The following BCAR3 variants were observed in gnomAD, a reference collection of about 807,000 sequenced individuals.
BCAR3 encodes breast cancer anti-estrogen resistance protein 3.
A neutral mutation model predicts 80.1 loss-of-function variants in BCAR3; 37 were observed. The ratio of observed to expected loss-of-function variants is 0.46; its 90% CI spans 0.36 to 0.61. BCAR3 has a LOEUF of 0.61. BCAR3 is among the 20% of genes least tolerant of loss of function. BCAR3 has a pLI of 0.00. For missense variants in BCAR3, 978 were observed against 1,068.2 expected, an observed-to-expected ratio of 0.92 and a Z score of 1.18; for synonymous variants, 389 against 418.9, an observed-to-expected ratio of 0.93 and a Z score of 0.87.
chr1:93,758,572 C>T (rs1423970257), intron 2 of BCAR3, among the ~76,000 whole-genome samples: 1 of 152,232 alleles, frequency 6.6e-6, no homozygotes, highest in Non-Finnish European at 1.5e-5. Flanking sequence ...AAGGTGATTA[C>T]AACCTTACTC....
chr1:93,673,661 C>T (rs1648326712), intron 2 of BCAR3, among the ~76,000 whole-genome samples: 1 of 152,236 alleles, frequency 6.6e-6, no homozygotes, highest in South Asian at 2.1e-4. Flanking sequence ...CAGCCAGGCC[C>T]ATTACAAACC....
At position 93,681,623 on chromosome 1, in the gene BCAR3, G is replaced by C. The variant is rs1648769555; in HGVS notation, c.-37C>G. The C allele has an allele frequency of 6.6e-6, 1 of 151,738 alleles. No homozygotes were observed. The highest frequency in any genetic ancestry group is 6.6e-5 in the Admixed American group (1 of 15,256). 9.4% of individuals were successfully genotyped at this position (151,738 alleles called of 1,614,324 possible). On this transcript the variant is annotated 5_prime_UTR_variant, in exon 1 of 12. Coordinates refer to ENST00000260502, the MANE Select transcript of BCAR3 (RefSeq NM_003567.4). ...CTCCCGGCGCGGCGCTGGGCGCTCGGGCTCTCAGGATCTCTGGACCTCCGG... is the reference window on the plus strand; with the variant it reads ...CTCCCGGCGCGGCGCTGGGCGCTCGCGCTCTCAGGATCTCTGGACCTCCGG...
At chr1:93,844,665 CCACCACA>C (rs1375091902) in intron 2 of BCAR3, among the ~76,000 whole-genome samples, 1 of 152,072 alleles carries the variant, frequency 6.6e-6, no homozygotes, top group Non-Finnish European at 1.5e-5. Context: ...GTTCAGAGAA[CCACCACA>C]CACCTGACCT....
chr1:93,720,958 T>A (rs1421021819), intron 2 of BCAR3, among the ~76,000 whole-genome samples: 1 of 151,842 alleles, frequency 6.6e-6, no homozygotes, highest in Non-Finnish European at 1.5e-5. Flanking sequence ...GGGTTGGGAG[T>A]GCATCAGGGT....
intron 2 of BCAR3, among the ~76,000 whole-genome samples, chr1:93,830,039 T>G (rs1654504743): frequency 6.6e-6 from 1 of 152,220 alleles, no homozygotes; most frequent in South Asian, 2.1e-4. Flanking sequence ...GTGAAGTGCT[T>G]GCTCCCTCTT....
chr1:93,773,372 G>A (rs1557683628), intron 2 of BCAR3, among the ~76,000 whole-genome samples: 2 of 152,198 alleles, frequency 1.3e-5, no homozygotes, highest in South Asian at 4.2e-4. Flanking sequence ...CTTCTCTATG[G>A]AGCTGAACTA....
Position 93,582,460 on chromosome 1 carries a change from C to T in BCAR3, c.1527G>A (p.Leu509=). The T allele has an allele frequency of 6.2e-7, 1 of 1,614,186 alleles. No individual in the cohort carries two copies. Among genetic ancestry groups the T allele is most frequent in the Non-Finnish European group, 8.5e-7 (1 of 1,180,024 alleles). Residue 509 remains leucine (L), a synonymous_variant, in exon 7 of 12, where the codon CTG becomes CTA. Transcript: ENST00000260502. ...TGGGCCTGAAGGAGGAGACAGTCTC[C>T]AGGAGGGGCGTCACAAACTCGCCCT... ...WDKGEFVTPL[L]ETVSSFRPNE... is the part of the protein sequence containing the mutation.
intron 2 of BCAR3, among the ~76,000 whole-genome samples, chr1:93,661,047 C>CT (rs922281894): frequency 1.6e-4 from 24 of 147,202 alleles, no homozygotes; most frequent in Non-Finnish European, 2.3e-4. Context: ...TGGCTAATTT[C>CT]TTTTTTTTTG....
chr1:93,729,009 A>G (rs1327293019), intron 2 of BCAR3, among the ~76,000 whole-genome samples: 3 of 152,118 alleles, frequency 2.0e-5, no homozygotes, highest in South Asian at 2.1e-4. Flanking sequence ...ATTTAAAAGG[A>G]CCATGCTCTT....
intron 3 of BCAR3, among the ~76,000 whole-genome samples, chr1:93,702,090 C>T (rs1891139): frequency 0.68 from 102,852 of 152,032 alleles, 39,236 homozygotes; most frequent in East Asian, 0.98. Flanking sequence ...CACCCACTGG[C>T]GCTGTGGCAA....
At chr1:93,653,131 G>A (rs978692696) in intron 2 of BCAR3, among the ~76,000 whole-genome samples, 1 of 152,220 alleles carries the variant, frequency 6.6e-6, no homozygotes, top group African/African-American at 2.4e-5. Context: ...GGGAAGGAAG[G>A]TTACTTGTCA....
intron 2 of BCAR3, among the ~76,000 whole-genome samples, chr1:93,805,943 T>G (rs2100795941): frequency 6.6e-6 from 1 of 152,172 alleles, no homozygotes; most frequent in East Asian, 1.9e-4. Flanking sequence ...AAGAGCTTTT[T>G]GAAATTAAAA....
intron 2 of BCAR3, among the ~76,000 whole-genome samples, chr1:93,740,035 CAAAA>C (rs550746243): frequency 1.1e-5 from 1 of 94,132 alleles, no homozygotes; most frequent in African/African-American, 3.6e-5. Flanking sequence ...AACTCCGTCT[CAAAA>C]AAAAAAAAAA....
intron 2 of BCAR3, among the ~76,000 whole-genome samples, chr1:93,789,200 G>T (rs7537445): frequency 0.31 from 47,848 of 151,918 alleles, 10,872 homozygotes; most frequent in African/African-American, 0.65. Flanking sequence ...GGTCTCTAAC[G>T]TGTGGCTTCA....
intron 2 of BCAR3, among the ~76,000 whole-genome samples, chr1:93,663,681 C>T (rs918897713): frequency 1.3e-5 from 2 of 152,172 alleles, no homozygotes; most frequent in African/African-American, 4.8e-5. Context: ...AAAGACCTGG[C>T]CTTTCTGTCT....
intron 3 of BCAR3, chr1:93,600,911 G>A (rs1009499471): frequency 6.6e-6 from 1 of 152,306 alleles, no homozygotes; most frequent in Non-Finnish European, 1.5e-5. Flanking sequence ...GGCACACAGC[G>A]AGTGCCCAGT....
intron 2 of BCAR3, among the ~76,000 whole-genome samples, chr1:93,646,062 T>C (rs1329846990): frequency 6.6e-6 from 1 of 152,144 alleles, no homozygotes; most frequent in Non-Finnish European, 1.5e-5. Context: ...TAAACAGTGT[T>C]TCACTACTAA....
At chr1:93,848,087 T>C (rs1188384512), upstream of BCAR3, 1 of 153,250 alleles carries the variant, frequency 6.5e-6, no homozygotes, top group Non-Finnish European at 1.5e-5. Context: ...GCTGACTACC[T>C]CTCCAGCATG....
chr1:93,820,653 C>A lies in BCAR3; in HGVS notation c.-63+24914G>T, dbSNP rs369099090. Among the ~76,000 whole-genome samples the A allele has an allele frequency of 1.1e-4, 17 of 152,254 alleles. No individual in the cohort carries two copies. The East Asian group carries it at 3.3e-3, about 29-fold the overall frequency. ...CTTCCTGACATGTGGATGTGTTCAC[C>A]AACCTGGAAGCTCTCTGAATAACGT... On this transcript the variant is annotated intron_variant, in intron 2 of 13. Coordinates refer to the BCAR3 transcript ENST00000370244.
Sources: gnomAD v4.1 joint callset for allele counts (sites outside exome capture counted in the v4.1 genomes callset) on GRCh38, gnomAD v4.1.1 for gene constraint, MANE v1.5 for transcripts, NCBI Gene and HGNC (gene_info 2026-07-23, HGNC 2026-07-21) for gene names.